The following ZNF33A variants were observed in gnomAD, a reference collection of about 807,000 sequenced individuals.
The protein encoded by ZNF33A is brain my041 protein.
ZNF33A carries 9 observed loss-of-function variants against 15.9 expected under a neutral mutation model. The ratio of observed to expected loss-of-function variants is 0.57; its 90% CI spans 0.34 to 0.99. ZNF33A has a LOEUF of 0.99. Ranked by LOEUF, ZNF33A falls within the 50% of genes least tolerant of loss-of-function variation. The pLI, the probability that ZNF33A is intolerant of heterozygous loss-of-function variation, is 0.02. For synonymous variants in ZNF33A, 294 were observed against 324.2 expected, an observed-to-expected ratio of 0.91 and a Z score of 1.00; for missense variants, 843 against 941.6, an observed-to-expected ratio of 0.90 and a Z score of 1.37.
chr10:38,025,690 A>C (rs2064954864), intron 4 of ZNF33A, among the ~76,000 whole-genome samples: 1 of 152,254 alleles, frequency 6.6e-6, no homozygotes, highest in South Asian at 2.1e-4. Flanking sequence ...GCCGAAGCTA[A>C]GACATTTGAC....
At position 38,056,108 on chromosome 10, in the gene ZNF33A, G is replaced by T. The variant is rs1564883074; in HGVS notation, c.1984G>T (p.Glu662Ter). Residue 662 changes from glutamate to a stop codon, truncating the protein, a stop_gained, in exon 5 of 5, where the codon GAA becomes TAA. Coordinates refer to ENST00000432900, the MANE Select transcript of ZNF33A (RefSeq NM_006954.2). LOFTEE classifies it low-confidence loss of function (END_TRUNC). ...LIVHQRTHTQEKPYKCNECGK... is the reference protein window; with the variant it reads ...LIVHQRTHTQ ...TGTACATCAGAGAACCCATACACAA[G>T]AAAAGCCCTATAAATGTAATGAATG... 3 of 1,613,972 alleles carry T rather than the reference G, an allele frequency of 1.9e-6. No individual in the cohort carries two copies. Among genetic ancestry groups the T allele is most frequent in the Admixed American group, 1.7e-5 (1 of 60,000 alleles).
In ZNF33A at chr10:38,054,237, T is replaced by C. The variant is rs1387834273; in HGVS notation, c.251-138T>C. On this transcript the variant is annotated intron_variant, in intron 4 of 4. Transcript: ENST00000432900. ...CCAAACCCATGAAATACAAAAAATA[T>C]GCACTTGCAATTATGTTCATCTCTG... 9 of 874,398 alleles carry C rather than the reference T, an allele frequency of 1.0e-5. 1 individual carries two copies. The highest frequency in any genetic ancestry group is 3.0e-5 in the East Asian group (1 of 33,460). 54.2% of individuals were successfully genotyped at this position (874,398 alleles called of 1,614,324 possible). A position where few individuals can be genotyped will look rare whatever the true frequency, so the allele number is the denominator to read the frequency against.
intron 4 of ZNF33A, among the ~76,000 whole-genome samples, chr10:38,037,354 GTC>G (rs958536318): frequency 3.4e-5 from 5 of 148,166 alleles, no homozygotes; most frequent in African/African-American, 1.2e-4. Context: ...TTGAGAGGAA[GTC>G]TCTGACGCCC....
At chr10:38,024,163 C>CAA (rs71007682) in intron 4 of ZNF33A, among the ~76,000 whole-genome samples, 2,077 of 93,126 alleles carry the variant, frequency 0.022, 51 homozygotes, top group African/African-American at 0.072. Flanking sequence ...AAAAACAAAA[C>CAA]AAAAAAAAAA....
intron 4 of ZNF33A, among the ~76,000 whole-genome samples, chr10:38,045,438 T>A (rs1268908746): frequency 6.6e-6 from 1 of 152,222 alleles, no homozygotes; most frequent in Non-Finnish European, 1.5e-5. Context: ...TTTTCAACAC[T>A]GTCCTGGACC....
Position 38,054,949 on chromosome 10 carries a change from T to C in ZNF33A, c.825T>C (p.Tyr275=). The change falls in exon 5 of 5, where the codon TAT becomes TAC. Residue 275 remains tyrosine (Y), a synonymous_variant. Transcript: ENST00000432900. ...HQISPSRDNH[Y]EFSDCEKFLC... Reference sequence around the variant, plus strand: ...TATCTCCGTCAAGGGACAATCACTATGAATTTAGTGATTGTGAGAAGTTCT... The same window carrying C: ...TATCTCCGTCAAGGGACAATCACTACGAATTTAGTGATTGTGAGAAGTTCT... 1 of 1,613,960 alleles carries C rather than the reference T, an allele frequency of 6.2e-7. No individual in the cohort carries two copies.
chr10:38,011,511 G>A (rs1049935876), intron 1 of ZNF33A, among the ~76,000 whole-genome samples: 4 of 152,060 alleles, frequency 2.6e-5, no homozygotes, highest in Admixed American at 6.5e-5. Flanking sequence ...GGAGGCGGAG[G>A]TTACAGGTAG....
At chr10:38,010,636 G>C (rs1445722570), upstream of ZNF33A, 3 of 1,417,380 alleles carry the variant, frequency 2.1e-6, no homozygotes, top group Non-Finnish European at 3.0e-6. Flanking sequence ...AGCTGTGCGC[G>C]TGGGCTCTGC....
downstream of ZNF33A, among the ~76,000 whole-genome samples, chr10:38,065,250 T>C (rs2066699312): frequency 6.6e-6 from 1 of 152,100 alleles, no homozygotes; most frequent in South Asian, 2.1e-4. Flanking sequence ...TTTTGTATTT[T>C]GTGTAGAGAC....
At chr10:38,024,586 TA>T (rs1232415312) in intron 4 of ZNF33A, among the ~76,000 whole-genome samples, 1 of 152,200 alleles carries the variant, frequency 6.6e-6, no homozygotes, top group Non-Finnish European at 1.5e-5. Flanking sequence ...GTCAAAGTCA[TA>T]AACAGTTGAA....
intron 3 of ZNF33A, 84 bp from the exon 4 acceptor site, chr10:38,017,207 A>G: frequency 7.0e-7 from 1 of 1,436,280 alleles, no homozygotes; most frequent in Non-Finnish European, 9.6e-7. Flanking sequence ...GGCAACTCGA[A>G]GCAGCCCCAG....
rs145508532 is a variant in ZNF33A at position 38,055,106 on chromosome 10, C to T, written c.982C>T (p.His328Tyr). 58 of 1,614,088 alleles carry T rather than the reference C, an allele frequency of 3.6e-5. No homozygotes were observed. The African/African-American group carries it at 7.3e-4, about 20-fold the overall frequency. The change falls in exon 5 of 5, where the codon CAC (histidine) becomes TAC (tyrosine). Residue 328 changes from histidine to tyrosine, a missense_variant. Transcript: ENST00000432900. ...TCAGAAAGGTGATAAAGGAGAGAAA[C>T]ACTTTGAATGTAATGAATGTGGGAA... ...HLQKGDKGEK[H>Y]FECNECGKAF... is the part of the protein sequence containing the mutation.
In ZNF33A at chr10:38,056,414, C is replaced by G; in HGVS notation, c.2290C>G (p.Leu764Val). 6.2e-7 allele frequency: 1 copy of G among 1,614,102 alleles called. No homozygotes were observed. The highest frequency in any genetic ancestry group is 8.5e-7 in the Non-Finnish European group (1 of 1,179,964). ...GAAAACTTTCTCTCAAAAGTCAAAT[C>G]TCATTGTACATCAGAGAAGACATAT... ...CRKTFSQKSNLIVHQRRHIGE... is the reference protein window; with the variant it reads ...CRKTFSQKSNVIVHQRRHIGE... The change falls in exon 5 of 5, where the codon CTC becomes GTC. Residue 764 changes from leucine to valine, a missense_variant. Physicochemically the swap from Leu to Val is conservative, Grantham distance 32 (BLOSUM62 1). Coordinates refer to ENST00000432900, the MANE Select transcript of ZNF33A (RefSeq NM_006954.2).
Position 38,054,269 on chromosome 10 carries a change from G to C in ZNF33A, c.251-106G>C, listed in dbSNP as rs1564874820. The C allele has an allele frequency of 1.2e-5, 15 of 1,228,164 alleles. No individual in the cohort carries two copies. The South Asian group carries it at 3.0e-4, about 24-fold the overall frequency. 76.1% of individuals were successfully genotyped at this position (1,228,164 alleles called of 1,614,324 possible). ...GCAATTATGTTCATCTCTGGAAACTGGCCAAAAAACCAGTCAGCTGCAACA... is the reference window on the plus strand; with the variant it reads ...GCAATTATGTTCATCTCTGGAAACTCGCCAAAAAACCAGTCAGCTGCAACA... On this transcript the variant is annotated intron_variant, in intron 4 of 4. Transcript: ENST00000432900.
chr10:38,066,910 TG>T (rs1402875642), downstream of ZNF33A, among the ~76,000 whole-genome samples: 1 of 151,970 alleles, frequency 6.6e-6, no homozygotes, highest in African/African-American at 2.4e-5. Flanking sequence ...CCAGCCTGGG[TG>T]ATAGAGTGAG....
chr10:38,062,175 G>A (rs914687270), downstream of ZNF33A, among the ~76,000 whole-genome samples: 8 of 152,090 alleles, frequency 5.3e-5, no homozygotes, highest in Non-Finnish European at 1.2e-4. Context: ...AGAGGAAACA[G>A]CAAGGAGGGG....
intron 4 of ZNF33A, among the ~76,000 whole-genome samples, chr10:38,035,824 A>T (rs1156382931): frequency 2.0e-5 from 3 of 151,890 alleles, no homozygotes; most frequent in Non-Finnish European, 4.4e-5. Flanking sequence ...AAGCTTTCAT[A>T]AAAGAAAAGA....
chr10:38,022,900 AATG>A (rs2064817061), intron 4 of ZNF33A, among the ~76,000 whole-genome samples: 1 of 152,200 alleles, frequency 6.6e-6, no homozygotes, highest in African/African-American at 2.4e-5. Flanking sequence ...CACAAGAATT[AATG>A]ATGATTTTAC....
intron 4 of ZNF33A, among the ~76,000 whole-genome samples, chr10:38,045,555 A>G (rs1321848766): frequency 6.6e-6 from 1 of 152,184 alleles, no homozygotes; most frequent in African/African-American, 2.4e-5. Context: ...GTCACCTCCT[A>G]GAAAACATAA....
Sources: allele counts gnomAD v4.1 joint callset (sites outside exome capture counted in the v4.1 genomes callset), GRCh38; gene constraint gnomAD v4.1.1; transcripts MANE v1.5; gene names NCBI Gene and HGNC (gene_info 2026-07-23, HGNC 2026-07-21).